PITPNB: variants seen among roughly 807,000 people sequenced by gnomAD.
The protein encoded by PITPNB is phosphatidylinositol transfer protein beta, also known as phosphatidylinositol transfer protein beta isoform.
PITPNB carries 16 observed loss-of-function variants against 45.9 expected under a neutral mutation model. That is an observed-to-expected ratio of 0.35 (90% CI 0.24 to 0.53). The LOEUF is 0.53. Ranked by LOEUF, PITPNB falls within the 20% of genes least tolerant of loss-of-function variation. The pLI is 0.93. For synonymous variants in PITPNB, 112 were observed against 108.9 expected (o/e 1.03, Z -0.18); for missense variants, 188 against 330.5 (o/e 0.57, Z 3.34).
intron 5 of PITPNB, chr22:27,896,893 T>C (rs186482862): frequency 4.9e-6 from 3 of 611,954 alleles, no homozygotes; most frequent in Non-Finnish European, 3.0e-6. Flanking sequence ...TAAACAAATA[T>C]GGCGTTTGAA....
intron 4 of PITPNB, 92 bp from the exon 5 acceptor site, chr22:27,897,229 C>A: frequency 2.3e-6 from 2 of 854,356 alleles, no homozygotes; most frequent in Non-Finnish European, 4.1e-6. Context: ...CTTAATGTCA[C>A]AAAGACTAAA....
At chr22:27,871,022 A>T (rs978933287) in intron 8 of PITPNB, among the ~76,000 whole-genome samples, 1 of 152,218 alleles carries the variant, frequency 6.6e-6, no homozygotes, top group African/African-American at 2.4e-5. Context: ...GCACCCTATC[A>T]GCCTAATAAG....
chr22:27,918,911 T>C (rs967979297), intron 1 of PITPNB, among the ~76,000 whole-genome samples: 2 of 151,492 alleles, frequency 1.3e-5, no homozygotes, highest in Non-Finnish European at 1.5e-5. Context: ...GGCCGCGCCT[T>C]CCCGAGCCAT....
At chr22:27,887,830 A>C (rs1228374251) in intron 7 of PITPNB, among the ~76,000 whole-genome samples, 1 of 152,200 alleles carries the variant, frequency 6.6e-6, no homozygotes, top group Non-Finnish European at 1.5e-5. Context: ...TCTAAGCCAC[A>C]GACTGTGGCA....
chr22:27,917,566 G>A (rs1344913111), intron 1 of PITPNB, among the ~76,000 whole-genome samples: 3 of 152,250 alleles, frequency 2.0e-5, no homozygotes, highest in South Asian at 2.1e-4. Flanking sequence ...CTATAAATAA[G>A]CTTTAATTGA....
chr22:27,861,883 A>G (rs542561622), intron 8 of PITPNB, among the ~76,000 whole-genome samples: 9 of 152,344 alleles, frequency 5.9e-5, no homozygotes, highest in African/African-American at 2.2e-4. Context: ...TTGTTCTTTA[A>G]TAAACGTTGT....
At chr22:27,858,851 G>A (rs1204281951) in intron 9 of PITPNB, among the ~76,000 whole-genome samples, 5 of 152,086 alleles carry the variant, frequency 3.3e-5, no homozygotes, top group Non-Finnish European at 1.5e-5. Context: ...ATGAGCAAAG[G>A]TCAACTAGAT....
chr22:27,907,484 G>C (rs781351392), intron 3 of PITPNB, among the ~76,000 whole-genome samples: 15 of 152,146 alleles, frequency 9.9e-5, no homozygotes, highest in Admixed American at 5.9e-4. Context: ...GTTTTGCCCA[G>C]TTTATTTATT....
intron 7 of PITPNB, among the ~76,000 whole-genome samples, chr22:27,890,814 A>AAAAAC (rs1241516390): frequency 3.9e-5 from 6 of 152,350 alleles, no homozygotes; most frequent in South Asian, 4.1e-4. Context: ...ACTCTGTCTC[A>AAAAAC]AAAACAAAAC....
rs1330706513 is a variant in PITPNB at position 27,882,334 on chromosome 22, TGAAAA to T, written c.457-8524_457-8520del. ...AAAAAATGGAATGGTATGTTCGAAA[TGAAAA>T]GAACTAAATGTATGGAAAAGCAAAT... is the stretch of plus-strand genomic sequence containing the variant. On this transcript the variant is annotated intron_variant, in intron 7 of 11. Coordinates refer to ENST00000335272, the MANE Select transcript of PITPNB (RefSeq NM_012399.5). Among the ~76,000 whole-genome samples, 7 of 152,276 alleles carry T rather than the reference TGAAAA, an allele frequency of 4.6e-5. No homozygotes were observed. In the South Asian group the frequency reaches 6.2e-4, roughly 14 times the overall value.
At chr22:27,889,091 G>A (rs905969870) in intron 7 of PITPNB, among the ~76,000 whole-genome samples, 4 of 152,160 alleles carry the variant, frequency 2.6e-5, no homozygotes, top group South Asian at 2.1e-4. Flanking sequence ...CAAGACTAAC[G>A]ACAAGCAAGC....
rs1164670716 is a variant in PITPNB at position 27,864,207 on chromosome 22, T to C, written c.535-3966A>G. ...ATGTATACATGATATCTAAAAGTTC[T>C]CATACAATTCTCAAAATGATTTGTG... On this transcript the variant is annotated intron_variant, in intron 8 of 11. Coordinates refer to ENST00000335272, the MANE Select transcript of PITPNB (RefSeq NM_012399.5). Among the ~76,000 whole-genome samples, 4 of 152,310 alleles carry C rather than the reference T, an allele frequency of 2.6e-5. No homozygotes were observed. The East Asian group carries it at 7.7e-4, about 29-fold the overall frequency.
chr22:27,887,789 C>T (rs1295561931), intron 7 of PITPNB, among the ~76,000 whole-genome samples: 1 of 152,114 alleles, frequency 6.6e-6, no homozygotes, highest in Admixed American at 6.5e-5. Flanking sequence ...AATTCCCTCC[C>T]GTTAAGTGCA....
intron 7 of PITPNB, among the ~76,000 whole-genome samples, chr22:27,879,662 T>G (rs768702729): frequency 6.6e-6 from 1 of 152,226 alleles, no homozygotes; most frequent in Non-Finnish European, 1.5e-5. Flanking sequence ...TCCATAAAGG[T>G]GTTTGTTAAA....
Position 27,853,492 on chromosome 22 carries a change from T to C in PITPNB, c.*210A>G. ...GCTCTACATGCGCTTTATATACAGC[T>C]ACAGACATATGCACACATACATATA... On this transcript the variant is annotated 3_prime_UTR_variant, in exon 12 of 12. Transcript: ENST00000335272. 1.3e-6 allele frequency: 1 copy of C among 753,198 alleles called. No homozygotes were observed. 46.7% of individuals were successfully genotyped at this position (753,198 alleles called of 1,614,324 possible).
At chr22:27,873,694 C>T (rs758536026) in intron 8 of PITPNB, 44 bp downstream of exon 8, 1 of 1,167,912 alleles carries the variant, frequency 8.6e-7, no homozygotes, top group Admixed American at 1.7e-5. Flanking sequence ...GTCAAGTGTT[C>T]TGTTGCCAAG....
chr22:27,891,658 C>G (rs1437611568), intron 7 of PITPNB, among the ~76,000 whole-genome samples: 1 of 152,178 alleles, frequency 6.6e-6, no homozygotes, highest in Non-Finnish European at 1.5e-5. Context: ...CTCACAAGAT[C>G]TGTTTAGGAG....
At chr22:27,903,725 ATCATCAAGCAACTGCAG>A (rs1349986294) in intron 3 of PITPNB, among the ~76,000 whole-genome samples, 3 of 148,648 alleles carry the variant, frequency 2.0e-5, no homozygotes, top group Admixed American at 6.8e-5. Flanking sequence ...ACAGTGAGCT[ATCATCAAGCAACTGCAG>A]TCCAGCCTAG....
At chr22:27,911,813 A>G (rs1935932040) in intron 2 of PITPNB, among the ~76,000 whole-genome samples, 1 of 152,238 alleles carries the variant, frequency 6.6e-6, no homozygotes, top group Admixed American at 6.5e-5. Context: ...ATATGAATGT[A>G]TACATATTAC....
Sources: gnomAD v4.1 joint callset for allele counts (sites outside exome capture counted in the v4.1 genomes callset) on GRCh38, gnomAD v4.1.1 for gene constraint, MANE v1.5 for transcripts, NCBI Gene and HGNC (gene_info 2026-07-23, HGNC 2026-07-21) for gene names.